Variants in ERI3 observed in about 807,000 individuals in gnomAD.
ERI3 encodes the protein ERI1 exoribonuclease family member 3.
In ERI3, 18 loss-of-function variants were observed where a neutral mutation model predicts 44.4. That is an observed-to-expected ratio of 0.41 (90% CI 0.28 to 0.60). ERI3 has a LOEUF of 0.60. Ranked by LOEUF, ERI3 falls within the 20% of genes least tolerant of loss-of-function variation. ERI3 has a pLI of 0.36. For missense variants in ERI3, 294 were observed against 435.5 expected (o/e 0.68, Z 2.89); for synonymous variants, 183 against 164.8 (o/e 1.11, Z -0.84).
At chr1:44,290,192 A>G (rs552694053) in intron 6 of ERI3, among the ~76,000 whole-genome samples, 5 of 152,314 alleles carry the variant, frequency 3.3e-5, no homozygotes, top group Admixed American at 2.6e-4. Context: ...CACCAGCTCC[A>G]GGACAGGCAC....
Position 44,352,855 on chromosome 1 carries a change from C to T in ERI3, c.206G>A (p.Arg69Lys). 6.2e-7 allele frequency: 1 copy of T among 1,614,154 alleles called. No homozygotes were observed. The highest frequency in any genetic ancestry group is 8.5e-7 in the Non-Finnish European group (1 of 1,180,018). Residue 69 changes from arginine (R) to lysine (K), a missense_variant, in exon 2 of 9, where the codon AGG becomes AAG. Physicochemically the swap from Arg to Lys is conservative, Grantham distance 26. Coordinates refer to ENST00000372257, the MANE Select transcript of ERI3 (RefSeq NM_024066.3). ...PAAGLGIFEV[R>K]RVLDASGCSM... ...CCATGCAACAGGATTCTCACCTCTC[C>T]TTACTTCGAAGATGCCAAGACCGGC... is the stretch of plus-strand genomic sequence containing the variant.
At chr1:44,353,891 C>A (rs1646945192) in intron 1 of ERI3, 1 of 985,346 alleles carries the variant, frequency 1.0e-6, no homozygotes, top group Admixed American at 6.1e-5. Flanking sequence ...CCCCAACCCC[C>A]ACCTCCTGAG....
intron 7 of ERI3, among the ~76,000 whole-genome samples, chr1:44,259,823 T>A (rs1362435343): frequency 2.0e-5 from 3 of 151,780 alleles, no homozygotes; most frequent in Admixed American, 6.6e-5. Context: ...GAGGCTGCAG[T>A]GAGCTGTATT....
chr1:44,239,165 A>G (rs1361821823), intron 8 of ERI3, among the ~76,000 whole-genome samples: 1 of 151,998 alleles, frequency 6.6e-6, no homozygotes, highest in African/African-American at 2.4e-5. Context: ...ATTCTTAGCT[A>G]TTCTGGGAGA....
chr1:44,315,971 G>C (rs1646078892), intron 4 of ERI3, among the ~76,000 whole-genome samples: 2 of 140,910 alleles, frequency 1.4e-5, no homozygotes, highest in Admixed American at 1.5e-4. Flanking sequence ...ATGCAACATA[G>C]AGAGACCCCA....
intron 8 of ERI3, among the ~76,000 whole-genome samples, chr1:44,224,691 G>A (rs1643992646): frequency 6.6e-6 from 1 of 152,176 alleles, no homozygotes; most frequent in African/African-American, 2.4e-5. Flanking sequence ...ACAATTGATA[G>A]CACAGATGAC....
At chr1:44,333,275 T>A (rs1044913547) in intron 3 of ERI3, among the ~76,000 whole-genome samples, 2 of 152,262 alleles carry the variant, frequency 1.3e-5, no homozygotes, top group African/African-American at 2.4e-5. Flanking sequence ...TAATGTTACA[T>A]TAACGTCGGT....
chr1:44,250,748 G>A (rs187647411), intron 7 of ERI3, among the ~76,000 whole-genome samples: 1 of 152,312 alleles, frequency 6.6e-6, no homozygotes, highest in Admixed American at 6.5e-5. Flanking sequence ...TGGGGCGGGA[G>A]AGGGGGTGGC....
intron 3 of ERI3, among the ~76,000 whole-genome samples, chr1:44,336,886 C>T (rs562970745): frequency 6.6e-6 from 1 of 152,306 alleles, no homozygotes; most frequent in East Asian, 1.9e-4. Flanking sequence ...TAATCAGGCC[C>T]AGACCCTGGT....
At chr1:44,352,540 G>A (rs576366543) in intron 2 of ERI3, among the ~76,000 whole-genome samples, 1 of 152,228 alleles carries the variant, frequency 6.6e-6, no homozygotes, top group South Asian at 2.1e-4. Flanking sequence ...GGGCTATTCT[G>A]GTTCTATTCA....
intron 2 of ERI3, among the ~76,000 whole-genome samples, chr1:44,349,891 A>G (rs1411328060): frequency 6.6e-6 from 1 of 152,180 alleles, no homozygotes; most frequent in Non-Finnish European, 1.5e-5. Context: ...CTACAAAAGA[A>G]AAGTAGGAAG....
chr1:44,349,929 C>A (rs1646857148), intron 2 of ERI3, among the ~76,000 whole-genome samples: 1 of 152,196 alleles, frequency 6.6e-6, no homozygotes, highest in Non-Finnish European at 1.5e-5. Flanking sequence ...ATGGGACCCT[C>A]AGCTCTAACC....
At chr1:44,290,848 C>G (rs535175359) in intron 6 of ERI3, among the ~76,000 whole-genome samples, 2 of 152,280 alleles carry the variant, frequency 1.3e-5, no homozygotes, top group African/African-American at 4.8e-5. Flanking sequence ...TCTCCTCCCC[C>G]ACTACGCAGG....
chr1:44,323,054 T>G (rs1646237127), intron 3 of ERI3: 1 of 763,286 alleles, frequency 1.3e-6, no homozygotes, highest in Admixed American at 4.1e-5. Context: ...ATCATTCCCC[T>G]AGGAAGAGGT....
At chr1:44,305,850 G>A (rs1170300961) in intron 6 of ERI3, among the ~76,000 whole-genome samples, 1 of 152,216 alleles carries the variant, frequency 6.6e-6, no homozygotes. Context: ...CTAAGACTTA[G>A]TTAAATCTGA....
At chr1:44,343,481 A>T (rs1172193691) in intron 2 of ERI3, among the ~76,000 whole-genome samples, 2 of 152,194 alleles carry the variant, frequency 1.3e-5, no homozygotes, top group East Asian at 3.9e-4. Flanking sequence ...AAGCTACACA[A>T]CCTAAATCTA....
At position 44,237,838 on chromosome 1, in the gene ERI3, C is replaced by T. The variant is rs192044664; in HGVS notation, c.931+10101G>A. Among the ~76,000 whole-genome samples the T allele has an allele frequency of 5.0e-4, 76 of 152,290 alleles. 1 individual carries two copies. The highest frequency in any genetic ancestry group is 1.7e-3 in the African/African-American group (71 of 41,566). ...AGCAGAGGCATCCATCAGGGGCTCC[C>T]GAAGGCCACGGTCTGCATGCCCACG... On this transcript the variant is annotated intron_variant, in intron 8 of 8. Transcript: ENST00000372257.
At chr1:44,315,888 C>T (rs1002327383) in intron 4 of ERI3, among the ~76,000 whole-genome samples, 1 of 152,122 alleles carries the variant, frequency 6.6e-6, no homozygotes, top group African/African-American at 2.4e-5. Context: ...CATGGTGGCT[C>T]AGCCTGCAAT....
chr1:44,282,955 G>A (rs896853804), intron 7 of ERI3, among the ~76,000 whole-genome samples: 17 of 152,214 alleles, frequency 1.1e-4, no homozygotes, highest in African/African-American at 4.1e-4. Flanking sequence ...GAGTGACAAC[G>A]TTACCACATG....
Sources: allele counts gnomAD v4.1 joint callset (sites outside exome capture counted in the v4.1 genomes callset), GRCh38; gene constraint gnomAD v4.1.1; transcripts MANE v1.5; gene names NCBI Gene and HGNC (gene_info 2026-07-23, HGNC 2026-07-21).